The following CEP63 variants were observed in gnomAD, a reference collection of about 807,000 sequenced individuals.
CEP63 encodes the protein centrosomal protein of 63 kDa.
Under a neutral mutation model 89.1 loss-of-function variants are expected in CEP63, and 84 were observed. The observed-to-expected ratio is 0.94, with a 90% CI of 0.79 to 1.13. The LOEUF (loss-of-function observed/expected upper bound fraction) is 1.13, where lower values mean the gene tolerates loss of function less well. Among genes scored for constraint, CEP63 ranks in the 50% most tolerant of loss-of-function variants. CEP63 has a pLI of 0.00. For missense variants in CEP63, 838 were observed against 813.3 expected (o/e 1.03, Z -0.37); for synonymous variants, 267 against 272.5 (o/e 0.98, Z 0.20).
At chr3:134,766,864 C>A in the CEP63 span, among the ~76,000 whole-genome samples, 2 of 152,172 alleles carry the variant, frequency 1.3e-5, no homozygotes, top group Non-Finnish European at 2.9e-5. Context: ...GACCTGGCAC[C>A]CACATTTCAC....
chr3:134,671,060 G>T, the CEP63 span, among the ~76,000 whole-genome samples: 1 of 152,148 alleles, frequency 6.6e-6, no homozygotes, highest in Non-Finnish European at 1.5e-5. Context: ...TTCCTCTGGG[G>T]CGGAAGGGAG....
chr3:134,529,616 C>T (rs557283559), intron 3 of CEP63, among the ~76,000 whole-genome samples: 11 of 152,170 alleles, frequency 7.2e-5, no homozygotes, highest in Admixed American at 4.6e-4. Flanking sequence ...GCTGTGACTA[C>T]AGGTGTGAGC....
chr3:134,536,762 G>C (rs1453016723), intron 5 of CEP63: 1 of 299,588 alleles, frequency 3.3e-6, no homozygotes, highest in Non-Finnish European at 6.5e-6. Flanking sequence ...TGGATATCAA[G>C]AATTTGGATA....
At chr3:134,718,816 T>A in the CEP63 span, among the ~76,000 whole-genome samples, 1 of 152,174 alleles carries the variant, frequency 6.6e-6, no homozygotes, top group Non-Finnish European at 1.5e-5. Flanking sequence ...CAGACTGGAG[T>A]GCACAAGGCT....
the CEP63 span, among the ~76,000 whole-genome samples, chr3:134,672,534 A>G: frequency 6.6e-6 from 1 of 152,204 alleles, no homozygotes; most frequent in Non-Finnish European, 1.5e-5. Context: ...AGCTTTTATA[A>G]TTATGCCTCT....
chr3:134,599,821 T>C, the CEP63 span, among the ~76,000 whole-genome samples: 1 of 152,222 alleles, frequency 6.6e-6, no homozygotes, highest in Non-Finnish European at 1.5e-5. Flanking sequence ...GGGACATTGA[T>C]TTTTTTCTAG....
intron 1 of CEP63, among the ~76,000 whole-genome samples, chr3:134,493,020 G>A (rs1407009902): frequency 6.6e-6 from 1 of 152,006 alleles, no homozygotes; most frequent in Non-Finnish European, 1.5e-5. Flanking sequence ...TTATTAAATA[G>A]TCATAGAAAA....
chr3:134,731,873 G>C, the CEP63 span, among the ~76,000 whole-genome samples: 1 of 152,264 alleles, frequency 6.6e-6, no homozygotes, highest in Admixed American at 6.5e-5. Context: ...CCAGAAAAAA[G>C]TTTGACAATA....
chr3:134,696,281 T>C, the CEP63 span, among the ~76,000 whole-genome samples: 2 of 152,228 alleles, frequency 1.3e-5, no homozygotes, highest in Admixed American at 1.3e-4. Context: ...CTTTTGCTTG[T>C]GCATTCTCTG....
chr3:134,551,245 G>T (rs1340310280), intron 11 of CEP63, among the ~76,000 whole-genome samples: 1 of 152,162 alleles, frequency 6.6e-6, no homozygotes, highest in Non-Finnish European at 1.5e-5. Context: ...TTTAGCTGTG[G>T]CTGTCCTTTC....
chr3:134,697,542 A>G, the CEP63 span, among the ~76,000 whole-genome samples: 1 of 152,202 alleles, frequency 6.6e-6, no homozygotes, highest in East Asian at 1.9e-4. Context: ...TACACCTTCC[A>G]TGGCATTCCT....
chr3:134,574,388 C>G lies in CEP63; in HGVS notation c.1330-405C>G, dbSNP rs559059683. On this transcript the variant is annotated intron_variant, in intron 11 of 11. Transcript: ENST00000354446. The stretch of plus-strand genomic sequence containing the variant: ...CTCAAGATGCATTTTGGATCCTTGA[C>G]CTAAACTTAAACACTACAAACAAGG... 5.3e-5 allele frequency among the ~76,000 whole-genome samples: 8 copies of G among 152,240 alleles called. No homozygotes were observed. The East Asian group carries it at 1.5e-3, about 29-fold the overall frequency.
the CEP63 span, among the ~76,000 whole-genome samples, chr3:134,735,768 C>G: frequency 6.6e-6 from 1 of 152,068 alleles, no homozygotes; most frequent in East Asian, 1.9e-4. Flanking sequence ...TGAATCATAA[C>G]TTAAAATCTA....
the CEP63 span, among the ~76,000 whole-genome samples, chr3:134,720,454 G>C: frequency 6.6e-6 from 1 of 151,886 alleles, no homozygotes; most frequent in South Asian, 2.1e-4. Flanking sequence ...AGCACAAAAG[G>C]TTTTAATTTT....
intron 2 of CEP63, among the ~76,000 whole-genome samples, chr3:134,498,758 G>A (rs1940993275): frequency 6.6e-6 from 1 of 152,284 alleles, no homozygotes; most frequent in East Asian, 1.9e-4. Context: ...TTATCATGGA[G>A]AGATGTTGAA....
chr3:134,515,114 T>C (rs1166598198), intron 3 of CEP63, among the ~76,000 whole-genome samples: 1 of 152,198 alleles, frequency 6.6e-6, no homozygotes, highest in Non-Finnish European at 1.5e-5. Flanking sequence ...GAAGTATTTA[T>C]AGCTAACATT....
intron 12 of CEP63, among the ~76,000 whole-genome samples, chr3:134,554,676 T>C (rs1316462075): frequency 6.6e-6 from 1 of 152,176 alleles, no homozygotes; most frequent in African/African-American, 2.4e-5. Flanking sequence ...TCCACAATGG[T>C]TGAACTACTT....
the CEP63 span, among the ~76,000 whole-genome samples, chr3:134,600,241 C>A: frequency 6.6e-6 from 1 of 152,198 alleles, no homozygotes; most frequent in Non-Finnish European, 1.5e-5. Context: ...AAACCCACTC[C>A]TTCTAGTGAA....
At chr3:134,618,105 AAAGGGAAGT>A in the CEP63 span, among the ~76,000 whole-genome samples, 1 of 152,046 alleles carries the variant, frequency 6.6e-6, no homozygotes, top group South Asian at 2.1e-4. Context: ...GAAAGTGAGA[AAAGGGAAGT>A]ACAGGAAGCA....
Sources: gnomAD v4.1 joint callset for allele counts (sites outside exome capture counted in the v4.1 genomes callset) on GRCh38, gnomAD v4.1.1 for gene constraint, MANE v1.5 for transcripts, NCBI Gene and HGNC (gene_info 2026-07-23, HGNC 2026-07-21) for gene names.